The following FAM107B variants were observed in gnomAD, a reference collection of about 807,000 sequenced individuals.
The protein encoded by FAM107B is family with sequence similarity 107 member B.
FAM107B carries 21 observed loss-of-function variants against 31.5 expected under a neutral mutation model. The ratio of observed to expected loss-of-function variants is 0.67; its 90% CI spans 0.47 to 0.96. The LOEUF is 0.96. Ranked by LOEUF, FAM107B falls within the 40% of genes least tolerant of loss-of-function variation. The pLI is 0.00. For missense variants in FAM107B, 452 were observed against 377.1 expected, an observed-to-expected ratio of 1.20 and a Z score of -1.64; for synonymous variants, 157 against 141.5, an observed-to-expected ratio of 1.11 and a Z score of -0.78.
intron 1 of FAM107B, among the ~76,000 whole-genome samples, chr10:14,749,854 G>A (rs1832793957): frequency 6.6e-6 from 1 of 152,208 alleles, no homozygotes; most frequent in Non-Finnish European, 1.5e-5. Context: ...GGTCATGAGA[G>A]CCACTAGCAC....
At chr10:14,672,881 T>C (rs1204079591) in intron 1 of FAM107B, among the ~76,000 whole-genome samples, 1 of 152,240 alleles carries the variant, frequency 6.6e-6, no homozygotes, top group Non-Finnish European at 1.5e-5. Context: ...GGCCTCATAG[T>C]TGGCAACATT....
intron 2 of FAM107B, among the ~76,000 whole-genome samples, chr10:14,547,251 C>G (rs1295350455): frequency 6.6e-6 from 1 of 152,188 alleles, no homozygotes; most frequent in Non-Finnish European, 1.5e-5. Context: ...TGTCTGAAGT[C>G]ACTAGTAACG....
chr10:14,590,484 A>G (rs1364951920), intron 2 of FAM107B, among the ~76,000 whole-genome samples: 1 of 152,248 alleles, frequency 6.6e-6, no homozygotes, highest in Non-Finnish European at 1.5e-5. Context: ...GTAGCCTTCA[A>G]GTATGGAAGT....
chr10:14,555,666 T>A lies in FAM107B; in HGVS notation c.470-25151A>T, dbSNP rs146874519. 6.4e-4 allele frequency among the ~76,000 whole-genome samples: 98 copies of A among 152,350 alleles called. 1 individual carries two copies. The highest frequency in any genetic ancestry group is 2.2e-3 in the African/African-American group (91 of 41,570). On this transcript the variant is annotated intron_variant, in intron 2 of 4. Transcript: ENST00000181796. ...TTATTTGTTTCCTCACTGCATCTGCTGCAGAACCATTTTCTCCACAATTAA... is the reference window on the plus strand; with the variant it reads ...TTATTTGTTTCCTCACTGCATCTGCAGCAGAACCATTTTCTCCACAATTAA...
chr10:14,628,121 T>TGTTTTTTTTTTTTTTTG (rs1554841911), intron 2 of FAM107B, among the ~76,000 whole-genome samples: 1 of 121,808 alleles, frequency 8.2e-6, no homozygotes, highest in Non-Finnish European at 1.6e-5. Flanking sequence ...GGTTTTTTTT[T>TGTTTTTTTTTTTTTTTG]TTTTTTTTTT....
At chr10:14,655,473 G>A (rs971262641) in intron 2 of FAM107B, among the ~76,000 whole-genome samples, 8 of 152,138 alleles carry the variant, frequency 5.3e-5, no homozygotes, top group South Asian at 2.1e-4. Context: ...AGGCTGGAGC[G>A]CAGTGGCGCA....
Position 14,753,973 on chromosome 10 carries a change from C to T in FAM107B, c.411+20280G>A, listed in dbSNP as rs34474733. Among the ~76,000 whole-genome samples, 1,057 of 144,428 alleles carry T rather than the reference C, an allele frequency of 7.3e-3. 9 individuals carry two copies. The highest frequency in any genetic ancestry group is 0.011 in the Non-Finnish European group (750 of 66,940). 94.8% of individuals were successfully genotyped at this position (144,428 alleles called of 152,430 possible). The stretch of plus-strand genomic sequence containing the variant: ...TTTTTTTTTTTGAGACAAAGTCTTG[C>T]TGTCACCCAGGCTGGAGTGCAGTGG... On this transcript the variant is annotated intron_variant, in intron 1 of 4. Coordinates refer to ENST00000181796, the MANE Select transcript of FAM107B (RefSeq NM_031453.4).
In FAM107B at chr10:14,653,351, G is replaced by A. The variant is rs74495107; in HGVS notation, c.469+14283C>T. ...CATGCACACTGGAGTTATGCTGATCGAAATCTATCTAAAAGGTGCCAGGCA... is the reference window on the plus strand; with the variant it reads ...CATGCACACTGGAGTTATGCTGATCAAAATCTATCTAAAAGGTGCCAGGCA... On this transcript the variant is annotated intron_variant, in intron 2 of 4. Transcript: ENST00000181796. Among the ~76,000 whole-genome samples the A allele has an allele frequency of 5.9e-5, 9 of 152,320 alleles. No individual in the cohort carries two copies. The East Asian group carries it at 1.5e-3, about 26-fold the overall frequency.
At chr10:14,675,142 G>C (rs1189462064) in intron 1 of FAM107B, among the ~76,000 whole-genome samples, 1 of 151,990 alleles carries the variant, frequency 6.6e-6, no homozygotes, top group Non-Finnish European at 1.5e-5. Flanking sequence ...CTCTGTTCTT[G>C]TGTTTGGTGC....
At chr10:14,551,589 C>T (rs1588559764) in intron 2 of FAM107B, among the ~76,000 whole-genome samples, 3 of 143,924 alleles carry the variant, frequency 2.1e-5, no homozygotes, top group Non-Finnish European at 4.5e-5. Context: ...CACTATTTTC[C>T]TTTTTTTTTT....
intron 1 of FAM107B, among the ~76,000 whole-genome samples, chr10:14,718,008 G>C (rs1054622558): frequency 5.9e-5 from 9 of 152,082 alleles, no homozygotes; most frequent in African/African-American, 2.2e-4. Flanking sequence ...TTGGTTCTTG[G>C]TTCCTGGGGG....
rs535635546 is a variant in FAM107B at position 14,772,125 on chromosome 10, C to A, written c.411+2128G>T. On this transcript the variant is annotated intron_variant, in intron 1 of 4. Transcript: ENST00000181796. ...AATCCCAGCACTTTGGGAGGCTGGG[C>A]GGGGGAGTCATGAGGACAGGAGATC... Among the ~76,000 whole-genome samples, 12 of 152,036 alleles carry A rather than the reference C, an allele frequency of 7.9e-5. No individual in the cohort carries two copies. In the South Asian group the frequency reaches 2.3e-3, roughly 29 times the overall value.
rs931422527 is a variant in FAM107B, at chr10:14,520,886, T to C, written c.*304A>G. 5 of 284,956 alleles carry C rather than the reference T, an allele frequency of 1.8e-5. No homozygotes were observed. The highest frequency in any genetic ancestry group is 4.3e-5 in the African/African-American group (2 of 45,994). The allele number at this position is 284,956 out of a possible 1,614,324, so 17.7% of individuals were successfully genotyped here. A position where few individuals can be genotyped will look rare whatever the true frequency, so the allele number is the denominator to read the frequency against. On this transcript the variant is annotated 3_prime_UTR_variant, in exon 5 of 5. Coordinates refer to ENST00000181796, the MANE Select transcript of FAM107B (RefSeq NM_031453.4). Reference sequence around the variant, plus strand: ...AAGTAGTGCAACTCTCAAGAATTGATTCCAGTGTCCTCTTCCTTTTTCCTG... The same window carrying C: ...AAGTAGTGCAACTCTCAAGAATTGACTCCAGTGTCCTCTTCCTTTTTCCTG...
At chr10:14,726,079 C>T (rs930134350) in intron 1 of FAM107B, among the ~76,000 whole-genome samples, 22 of 152,034 alleles carry the variant, frequency 1.4e-4, no homozygotes, top group African/African-American at 4.6e-4. Flanking sequence ...CTGCAACCTC[C>T]GCCTCCCGGG....
intron 2 of FAM107B, among the ~76,000 whole-genome samples, chr10:14,562,853 C>A (rs1204013706): frequency 6.6e-6 from 1 of 152,224 alleles, no homozygotes; most frequent in Non-Finnish European, 1.5e-5. Context: ...TATTTCTCAA[C>A]CATGAGAGTA....
Position 14,638,630 on chromosome 10 carries a change from G to T in FAM107B, c.469+29004C>A, listed in dbSNP as rs1294711605. ...TACCTATTTTTGCCTGCCTTTCAGG[G>T]GATTATTTCCTAATCATTTCCCAGT... On this transcript the variant is annotated intron_variant, in intron 2 of 4. Transcript: ENST00000181796. 3.3e-5 allele frequency among the ~76,000 whole-genome samples: 5 copies of T among 151,926 alleles called. 1 individual carries two copies. The East Asian group carries it at 9.6e-4, about 29-fold the overall frequency.
intron 3 of FAM107B, among the ~76,000 whole-genome samples, chr10:14,526,092 A>G (rs780479920): frequency 1.3e-5 from 2 of 152,198 alleles, no homozygotes; most frequent in African/African-American, 4.8e-5. Context: ...GTCACAGAAC[A>G]ATGCCTACTC....
At chr10:14,589,171 C>A (rs1588638284) in intron 2 of FAM107B, among the ~76,000 whole-genome samples, 1 of 134,336 alleles carries the variant, frequency 7.4e-6, no homozygotes, top group South Asian at 2.6e-4. Flanking sequence ...CCGAGACTGT[C>A]TCAAAAAAAA....
chr10:14,587,197 T>C (rs138880378), intron 2 of FAM107B, among the ~76,000 whole-genome samples: 51 of 152,294 alleles, frequency 3.3e-4, no homozygotes, highest in African/African-American at 1.2e-3. Flanking sequence ...CACCTAGGTC[T>C]ATCTAGCAAA....
Sources: allele counts gnomAD v4.1 joint callset (sites outside exome capture counted in the v4.1 genomes callset), GRCh38; gene constraint gnomAD v4.1.1; transcripts MANE v1.5; gene names NCBI Gene and HGNC (gene_info 2026-07-23, HGNC 2026-07-21).